Variants in AGTPBP1 observed in about 807,000 individuals in gnomAD.
The protein encoded by AGTPBP1 is ATP/GTP binding carboxypeptidase 1, also known as cytosolic carboxypeptidase 1.
Under a neutral mutation model 143.9 loss-of-function variants are expected in AGTPBP1, and 70 were observed. The ratio of observed to expected loss-of-function variants is 0.49; its 90% CI spans 0.40 to 0.59. The LOEUF (loss-of-function observed/expected upper bound fraction) is 0.59, where lower values mean the gene tolerates loss of function less well. Among genes scored for constraint, AGTPBP1 ranks in the 20% least tolerant of loss-of-function variants. The probability of loss-of-function intolerance (pLI) is 0.00; values close to 1 mark genes in which losing one functional copy is unlikely to be tolerated. For missense variants in AGTPBP1, 1,229 were observed against 1,464.5 expected, an observed-to-expected ratio of 0.84 and a Z score of 2.62; for synonymous variants, 463 against 500.2, an observed-to-expected ratio of 0.93 and a Z score of 0.99.
chr9:85,603,471 C>A (rs1378633732), intron 17 of AGTPBP1, among the ~76,000 whole-genome samples: 1 of 152,158 alleles, frequency 6.6e-6, no homozygotes, highest in Non-Finnish European at 1.5e-5. Context: ...TCATTACCTG[C>A]TGGCTAAAGA....
At chr9:85,756,051 T>C in the AGTPBP1 span, 17 of 1,266,728 alleles carry the variant, frequency 1.3e-5, no homozygotes, top group African/African-American at 2.6e-4. Context: ...AAACAAGTAA[T>C]TTTTTTTTTA....
intron 1 of AGTPBP1, among the ~76,000 whole-genome samples, chr9:85,718,738 T>TCC (rs1837892204): frequency 6.6e-6 from 1 of 152,286 alleles, no homozygotes; most frequent in East Asian, 1.9e-4. Flanking sequence ...TCATGAAATG[T>TCC]TTGCCCATGC....
chr9:85,771,494 T>C, the AGTPBP1 span, among the ~76,000 whole-genome samples: 1 of 152,126 alleles, frequency 6.6e-6, no homozygotes, highest in African/African-American at 2.4e-5. Flanking sequence ...AATAAAATTA[T>C]AATTCTGTGA....
At chr9:85,802,334 G>C in the AGTPBP1 span, among the ~76,000 whole-genome samples, 29 of 152,090 alleles carry the variant, frequency 1.9e-4, no homozygotes, top group African/African-American at 6.5e-4. Flanking sequence ...CACCAACTCT[G>C]CCCTTATCTT....
intron 1 of AGTPBP1, among the ~76,000 whole-genome samples, chr9:85,729,728 C>T (rs887503781): frequency 1.3e-5 from 2 of 151,694 alleles, no homozygotes; most frequent in African/African-American, 2.4e-5. Context: ...AGCAAAAGAC[C>T]TGAATACTCT....
chr9:85,633,712 G>A (rs1368856276), intron 13 of AGTPBP1, among the ~76,000 whole-genome samples: 2 of 152,140 alleles, frequency 1.3e-5, no homozygotes, highest in Non-Finnish European at 2.9e-5. Context: ...CAATATTTAT[G>A]AAGTGTCTAT....
intron 25 of AGTPBP1, among the ~76,000 whole-genome samples, chr9:85,572,998 A>G (rs1029615361): frequency 2.0e-5 from 3 of 152,318 alleles, no homozygotes; most frequent in African/African-American, 7.2e-5. Flanking sequence ...AAATGAGACT[A>G]TTGTTACCCA....
chr9:85,805,192 G>T, the AGTPBP1 span, among the ~76,000 whole-genome samples: 3 of 152,112 alleles, frequency 2.0e-5, no homozygotes, highest in Non-Finnish European at 4.4e-5. Flanking sequence ...CGTCACCGGC[G>T]AACCTCTAAC....
chr9:85,757,726 T>C, the AGTPBP1 span, among the ~76,000 whole-genome samples: 2 of 151,822 alleles, frequency 1.3e-5, no homozygotes, highest in Non-Finnish European at 2.9e-5. Flanking sequence ...TTTAGAGAGA[T>C]AAAATTCACA....
At chr9:85,746,230 A>G (rs1824578590), upstream of AGTPBP1, among the ~76,000 whole-genome samples, 1 of 151,930 alleles carries the variant, frequency 6.6e-6, no homozygotes, top group African/African-American at 2.4e-5. Context: ...GCTGCGATCC[A>G]CTGCCTCACC....
chr9:85,677,605 A>AT, intron 5 of AGTPBP1, 23 bp from the exon 6 acceptor site: 1 of 1,462,246 alleles, frequency 6.8e-7, no homozygotes, highest in Non-Finnish European at 9.1e-7. Flanking sequence ...AAAAAAAAAA[A>AT]TTTAAACAAC....
chr9:85,760,162 G>A, the AGTPBP1 span, among the ~76,000 whole-genome samples: 2 of 152,066 alleles, frequency 1.3e-5, no homozygotes, highest in African/African-American at 4.8e-5. Context: ...AGGATCAGAC[G>A]GATTCACAGC....
At chr9:85,631,254 T>C (rs1476784659) in intron 14 of AGTPBP1, among the ~76,000 whole-genome samples, 1 of 152,236 alleles carries the variant, frequency 6.6e-6, no homozygotes, top group African/African-American at 2.4e-5. Flanking sequence ...CCTGGGTGGA[T>C]ACTGGATGCT....
rs1828658179 is a variant in AGTPBP1 at position 85,587,018 on chromosome 9, C to T, written c.2904-58G>A. On this transcript the variant is annotated intron_variant, in intron 21 of 25. Coordinates refer to ENST00000357081, the MANE Select transcript of AGTPBP1 (RefSeq NM_001330701.2). ...ACTGGTACCCATAAACCCTTATATACATTTCTTAAACCCTTATATACATAT... is the reference window on the plus strand; with the variant it reads ...ACTGGTACCCATAAACCCTTATATATATTTCTTAAACCCTTATATACATAT... The T allele has an allele frequency of 6.2e-6, 10 of 1,601,892 alleles. No individual in the cohort carries two copies. The South Asian group carries it at 1.0e-4, about 16-fold the overall frequency.
chr9:85,689,744 A>C (rs1835719890), intron 3 of AGTPBP1, among the ~76,000 whole-genome samples: 1 of 151,350 alleles, frequency 6.6e-6, no homozygotes, highest in Non-Finnish European at 1.5e-5. Flanking sequence ...AAAATATAAA[A>C]AATTAGCCTG....
intron 18 of AGTPBP1, 43 bp downstream of exon 18, chr9:85,596,319 C>G: frequency 7.3e-7 from 1 of 1,364,708 alleles, no homozygotes; most frequent in South Asian, 1.3e-5. Context: ...TTAATACTGC[C>G]TTCTGTAAGC....
intron 19 of AGTPBP1, among the ~76,000 whole-genome samples, 179 bp downstream of exon 19, chr9:85,592,381 A>G (rs1829026114): frequency 6.6e-6 from 1 of 152,060 alleles, no homozygotes; most frequent in Middle Eastern, 3.2e-3. Context: ...AACTAAACTT[A>G]ATTTTCCTTA....
the AGTPBP1 span, among the ~76,000 whole-genome samples, chr9:85,755,536 G>T: frequency 1.3e-5 from 2 of 152,038 alleles, no homozygotes; most frequent in African/African-American, 2.4e-5. Flanking sequence ...TCCACTGTGT[G>T]TATTCATTTA....
At chr9:85,603,705 G>A (rs906772285) in intron 17 of AGTPBP1, among the ~76,000 whole-genome samples, 1 of 152,032 alleles carries the variant, frequency 6.6e-6, no homozygotes, top group Non-Finnish European at 1.5e-5. Context: ...TCAGGCCTTG[G>A]CTTCTGGACA....
Sources: gnomAD v4.1 joint callset for allele counts (sites outside exome capture counted in the v4.1 genomes callset) on GRCh38, gnomAD v4.1.1 for gene constraint, MANE v1.5 for transcripts, NCBI Gene and HGNC (gene_info 2026-07-23, HGNC 2026-07-21) for gene names.